The following SBNO2 variants were observed in gnomAD, a reference collection of about 807,000 sequenced individuals.
SBNO2 encodes the protein protein strawberry notch homolog 2.
Under a neutral mutation model 146.3 loss-of-function variants are expected in SBNO2, and 89 were observed. The ratio of observed to expected loss-of-function variants is 0.61; its 90% CI spans 0.51 to 0.73. The LOEUF (loss-of-function observed/expected upper bound fraction) is 0.73, where lower values mean the gene tolerates loss of function less well. SBNO2 is among the 30% of genes least tolerant of loss of function. The probability of loss-of-function intolerance (pLI) is 0.00; values close to 1 mark genes in which losing one functional copy is unlikely to be tolerated. For synonymous variants in SBNO2, 1,147 were observed against 892.6 expected (o/e 1.29, Z -5.08); for missense variants, 2,092 against 2,003.7 (o/e 1.04, Z -0.84).
chr19:1,164,423 G>C (rs1599882735), intron 1 of SBNO2, among the ~76,000 whole-genome samples: 9 of 98,234 alleles, frequency 9.2e-5, no homozygotes, highest in East Asian at 4.2e-4. Flanking sequence ...GGAGGAACAG[G>C]AGGAGGAGGA....
At chr19:1,146,332 G>T (rs2080189578) in intron 4 of SBNO2, among the ~76,000 whole-genome samples, 1 of 152,170 alleles carries the variant, frequency 6.6e-6, no homozygotes, top group South Asian at 2.1e-4. Context: ...TGGGCCCGGG[G>T]TCCACCCGGC....
Position 1,119,516 on chromosome 19 carries a change from C to G in SBNO2, c.1373G>C (p.Arg458Thr). ...FEEFLHAIEK[R>T]GVGAMEIVAM... ...CCACGTGGGTGAGAAGGGCACTCAC[C>G]TCTTCTCGATGGCGTGCAGGAACTC... is the stretch of plus-strand genomic sequence containing the variant. Residue 458 changes from arginine (R) to threonine (T), a missense_variant and splice_region_variant, in exon 13 of 32, where the codon AGG becomes ACG. By Grantham distance (71) the Arg-to-Thr change is moderately conservative (BLOSUM62 -1). Transcript: ENST00000361757. 1 of 1,601,572 alleles carries G rather than the reference C, an allele frequency of 6.2e-7. No homozygotes were observed. The highest frequency in any genetic ancestry group is 8.5e-7 in the Non-Finnish European group (1 of 1,173,874).
Position 1,112,812 on chromosome 19 carries a change from C to G in SBNO2, c.2379+6G>C, listed in dbSNP as rs370839975. On this transcript the variant is annotated splice_donor_region_variant and intron_variant, in intron 20 of 31. Coordinates refer to ENST00000361757, the MANE Select transcript of SBNO2 (RefSeq NM_014963.3). This position sits in a 1 kb window ranked among gnomAD's most constrained non-coding sequence, Gnocchi z 5.9. ...GGGCCGCGCCCAGTGCACTGCAGCC[C>G]CGCACCTTCTCGCCGCTCATGAAGC... is the stretch of plus-strand genomic sequence containing the variant. 1 of 1,566,618 alleles carries G rather than the reference C, an allele frequency of 6.4e-7. No homozygotes were observed. The highest frequency in any genetic ancestry group is 8.6e-7 in the Non-Finnish European group (1 of 1,157,644).
intron 4 of SBNO2, among the ~76,000 whole-genome samples, chr19:1,141,063 A>ACGCACCCC (rs1328361290): frequency 6.6e-6 from 1 of 151,776 alleles, no homozygotes; most frequent in African/African-American, 2.4e-5. Context: ...CCCGGAGAAG[A>ACGCACCCC]GGCGCCCCGG....
At chr19:1,132,913 G>T (rs1338491464) in intron 4 of SBNO2, among the ~76,000 whole-genome samples, 1 of 152,246 alleles carries the variant, frequency 6.6e-6, no homozygotes. Context: ...GGAAAAGAAC[G>T]TTCTCGCTTT....
chr19:1,139,651 T>A (rs1323585602), intron 4 of SBNO2, among the ~76,000 whole-genome samples: 6 of 151,756 alleles, frequency 4.0e-5, no homozygotes, highest in Non-Finnish European at 7.4e-5. Context: ...AAAAATCAGC[T>A]GGGCGCGGTG....
intron 4 of SBNO2, among the ~76,000 whole-genome samples, chr19:1,139,848 G>C (rs2080118848): frequency 1.3e-5 from 2 of 152,134 alleles, no homozygotes; most frequent in Admixed American, 1.3e-4. Context: ...AGGAGGCTGA[G>C]ACAGGAGAAT....
chr19:1,131,416 G>C (rs2080026801), intron 4 of SBNO2, among the ~76,000 whole-genome samples: 1 of 150,614 alleles, frequency 6.6e-6, no homozygotes, highest in Non-Finnish European at 1.5e-5. Context: ...CTGAGGTGGG[G>C]AGCTGGGAGG....
intron 1 of SBNO2, among the ~76,000 whole-genome samples, chr19:1,169,482 A>G (rs1449703374): frequency 1.3e-5 from 2 of 152,186 alleles, no homozygotes; most frequent in Admixed American, 1.3e-4. Flanking sequence ...TGTCCCCCTC[A>G]TGCCAAGAGC....
intron 19 of SBNO2, 75 bp downstream of exon 19, chr19:1,113,460 G>A (rs774935782): frequency 2.4e-5 from 32 of 1,311,032 alleles, no homozygotes; most frequent in Non-Finnish European, 3.2e-5. Flanking sequence ...CACCAGAGCT[G>A]CACACAGCCT....
intron 4 of SBNO2, among the ~76,000 whole-genome samples, chr19:1,134,983 T>G (rs1303405515): frequency 1.4e-5 from 2 of 145,394 alleles, no homozygotes; most frequent in Non-Finnish European, 3.0e-5. Flanking sequence ...GAGGCAGAGG[T>G]TACAGTGAGC....
chr19:1,110,620 C>G lies in SBNO2; in HGVS notation c.3028+125G>C. Reference sequence around the variant, plus strand: ...CCACCCGGGATGCACGGTGTTCCCACGAGCCCCTCGCCCACCCGGGATGCC... The same window carrying G: ...CCACCCGGGATGCACGGTGTTCCCAGGAGCCCCTCGCCCACCCGGGATGCC... On this transcript the variant is annotated intron_variant, in intron 26 of 31. Coordinates refer to ENST00000361757, the MANE Select transcript of SBNO2 (RefSeq NM_014963.3). The surrounding 1 kb of genome is among the most constrained non-coding windows in gnomAD (Gnocchi z 4.9). The G allele has an allele frequency of 1.6e-6, 2 of 1,232,890 alleles. No individual in the cohort carries two copies. The highest frequency in any genetic ancestry group is 2.2e-6 in the Non-Finnish European group (2 of 916,918). The allele number at this position is 1,232,890 out of a possible 1,614,324, so 76.4% of individuals were successfully genotyped here. A position where few individuals can be genotyped will look rare whatever the true frequency, so the allele number is the denominator to read the frequency against.
chr19:1,147,380 A>G lies in SBNO2; in HGVS notation c.208T>C (p.Cys70Arg), dbSNP rs754396794. 1.4e-6 allele frequency: 2 copies of G among 1,411,890 alleles called. No homozygotes were observed. Among genetic ancestry groups the G allele is most frequent in the South Asian group, 2.6e-5 (2 of 76,798 alleles). 87.5% of individuals were successfully genotyped at this position (1,411,890 alleles called of 1,614,324 possible). The change falls in exon 4 of 32, where the codon TGC (cysteine) becomes CGC (arginine). Residue 70 changes from cysteine (C) to arginine (R), a missense_variant. Cys to Arg is a radical substitution (Grantham distance 180). Coordinates refer to ENST00000361757, the MANE Select transcript of SBNO2 (RefSeq NM_014963.3). ...ACGGGGGCATAGCTGGTGTCTGGGCAGGGCTGGCTGCCGAGGAAGGAGGCG... is the reference window on the plus strand; with the variant it reads ...ACGGGGGCATAGCTGGTGTCTGGGCGGGGCTGGCTGCCGAGGAAGGAGGCG... ...SSASFLGSQP[C>R]PDTSYAPVAT...
chr19:1,161,582 G>A (rs771274726), intron 1 of SBNO2, among the ~76,000 whole-genome samples: 6 of 149,018 alleles, frequency 4.0e-5, no homozygotes, highest in African/African-American at 9.9e-5. Context: ...GGGAGCTGGG[G>A]GTGGGGGTGC....
At chr19:1,172,781 CCCCCCG>C (rs2080492059) in intron 1 of SBNO2, among the ~76,000 whole-genome samples, 1 of 82,364 alleles carries the variant, frequency 1.2e-5, no homozygotes, top group African/African-American at 6.0e-5. Flanking sequence ...TGCAACCGCC[CCCCCCG>C]CCCCGGCAAA....
intron 3 of SBNO2, 47 bp from the exon 4 acceptor site, chr19:1,147,467 A>T: frequency 9.4e-7 from 1 of 1,065,422 alleles, no homozygotes; most frequent in South Asian, 1.6e-5. Context: ...TGCTCAACCC[A>T]CTCCCTCAGT....
At position 1,123,649 on chromosome 19, in the gene SBNO2, T is replaced by C; in HGVS notation, c.523-10A>G. On this transcript the variant is annotated splice_polypyrimidine_tract_variant and intron_variant, in intron 6 of 31. Transcript: ENST00000361757. The stretch of plus-strand genomic sequence containing the variant: ...TCTGCACACTCTGCTCCTGCGTGCG[T>C]GGCGGGAGCTCAGCGGAGACTGCAG... The C allele has an allele frequency of 6.2e-7, 1 of 1,606,050 alleles. No individual in the cohort carries two copies. Among genetic ancestry groups the C allele is most frequent in the Non-Finnish European group, 8.5e-7 (1 of 1,176,308 alleles).
intron 1 of SBNO2, among the ~76,000 whole-genome samples, chr19:1,167,172 A>G (rs139662184): frequency 6.6e-6 from 1 of 152,378 alleles, no homozygotes; most frequent in East Asian, 1.9e-4. Flanking sequence ...CTGTCCTGAC[A>G]ATGGCCGCAC....
rs2080316848 is a variant in SBNO2 at position 1,158,862 on chromosome 19, G to C, written c.-126-4460C>G. ...CGGCCTCCGGTGACCTCACAGCCGT[G>C]ATGGCCTCCTGCAGCTGTGACCGCC... is the stretch of plus-strand genomic sequence containing the variant. On this transcript the variant is annotated intron_variant, in intron 1 of 31. Coordinates refer to ENST00000361757, the MANE Select transcript of SBNO2 (RefSeq NM_014963.3). This position sits in a 1 kb window ranked among gnomAD's most constrained non-coding sequence, Gnocchi z 9.9. Among the ~76,000 whole-genome samples, 1 of 152,094 alleles carries C rather than the reference G, an allele frequency of 6.6e-6. No homozygotes were observed. Among genetic ancestry groups the C allele is most frequent in the Non-Finnish European group, 1.5e-5 (1 of 68,016 alleles).
Sources: gnomAD v4.1 joint callset for allele counts (sites outside exome capture counted in the v4.1 genomes callset) on GRCh38, gnomAD v4.1.1 for gene constraint, Gnocchi (gnomAD v3.1) non-coding constraint, MANE v1.5 for transcripts, NCBI Gene and HGNC (gene_info 2026-07-23, HGNC 2026-07-21) for gene names.